Variants in SLC7A6 observed in about 807,000 individuals in gnomAD.
The protein encoded by SLC7A6 is solute carrier family 7 member 6.
SLC7A6 carries 29 observed loss-of-function variants against 46.6 expected under a neutral mutation model. The ratio of observed to expected loss-of-function variants is 0.62; its 90% CI spans 0.46 to 0.85. The LOEUF (loss-of-function observed/expected upper bound fraction) is 0.85. Among genes scored for constraint, SLC7A6 ranks in the 40% least tolerant of loss-of-function variants. The probability of loss-of-function intolerance (pLI) is 0.00; values close to 1 mark genes in which losing one functional copy is unlikely to be tolerated. For missense variants in SLC7A6, 527 were observed against 647.6 expected (o/e 0.81, Z 2.02); for synonymous variants, 276 against 257.3 (o/e 1.07, Z -0.70).
Position 68,274,808 on chromosome 16 carries a change from G to A in SLC7A6, c.82G>A (p.Val28Ile). 1 of 1,614,238 alleles carries A rather than the reference G, an allele frequency of 6.2e-7. No individual in the cohort carries two copies. Among genetic ancestry groups the A allele is most frequent in the Non-Finnish European group, 8.5e-7 (1 of 1,180,050 alleles). Residue 28 changes from valine (V) to isoleucine (I), a missense_variant, in exon 3 of 11, where the codon GTC (valine) becomes ATC (isoleucine). Physicochemically the swap from Val to Ile is conservative, Grantham distance 29. Coordinates refer to ENST00000219343, the MANE Select transcript of SLC7A6 (RefSeq NM_003983.6). ...NTSQSQVEED[V>I]SSPPQRSSET... ...CAGCCAGTCCCAGGTGGAAGAAGAT[G>A]TCAGCTCGCCACCTCAAAGGTCCTC... is the stretch of plus-strand genomic sequence containing the variant.
At chr16:68,275,332 A>G in intron 3 of SLC7A6, 83 bp downstream of exon 3, 1 of 1,521,008 alleles carries the variant, frequency 6.6e-7, no homozygotes. Context: ...GCGGTGGCTC[A>G]TGCCTATAAT....
intron 4 of SLC7A6, 113 bp downstream of exon 4, chr16:68,287,984 G>A (rs753551497): frequency 1.0e-4 from 148 of 1,417,270 alleles, no homozygotes; most frequent in Non-Finnish European, 1.2e-4. Context: ...GCTAGCATGT[G>A]TCAGTGAGTG....
intron 4 of SLC7A6, 138 bp from the exon 5 acceptor site, chr16:68,290,258 A>T (rs1396561620): frequency 1.6e-5 from 13 of 821,066 alleles, no homozygotes; most frequent in Non-Finnish European, 2.0e-5. Context: ...GTTCCTCCCC[A>T]TTCCTCCTTT....
chr16:68,265,036 C>T (rs571608759), intron 1 of SLC7A6, among the ~76,000 whole-genome samples: 1 of 152,310 alleles, frequency 6.6e-6, no homozygotes, highest in Non-Finnish European at 1.5e-5. Context: ...GACGGAGAAC[C>T]TGTGCTGTGT....
chr16:68,287,638 C>G, intron 3 of SLC7A6, 108 bp from the exon 4 acceptor site: 1 of 1,541,890 alleles, frequency 6.5e-7, no homozygotes, highest in Non-Finnish European at 8.8e-7. Context: ...GTCCATTGGC[C>G]CCTTTGCCTT....
At chr16:68,293,192 G>A (rs1356461961) in intron 7 of SLC7A6, among the ~76,000 whole-genome samples, 1 of 152,182 alleles carries the variant, frequency 6.6e-6, no homozygotes, top group African/African-American at 2.4e-5. Flanking sequence ...TAGGCGAGAA[G>A]ATTACCTTAG....
chr16:68,282,323 G>A (rs1347396056), intron 3 of SLC7A6, among the ~76,000 whole-genome samples: 1 of 152,026 alleles, frequency 6.6e-6, no homozygotes, highest in Admixed American at 6.6e-5. Flanking sequence ...AATCTCAGCA[G>A]TTTGGGAGGC....
At chr16:68,272,724 G>A (rs1258917962) in intron 2 of SLC7A6, among the ~76,000 whole-genome samples, 1 of 152,200 alleles carries the variant, frequency 6.6e-6, no homozygotes, top group African/African-American at 2.4e-5. Flanking sequence ...GGAATACCTA[G>A]TAAGCTCAAT....
At chr16:68,280,181 A>C (rs1339563737) in intron 3 of SLC7A6, among the ~76,000 whole-genome samples, 1 of 152,232 alleles carries the variant, frequency 6.6e-6, no homozygotes, top group Non-Finnish European at 1.5e-5. Flanking sequence ...AGGGGAAAGA[A>C]ATGAAAGGTC....
Position 68,300,908 on chromosome 16 carries a change from G to A in SLC7A6, c.*3580G>A, listed in dbSNP as rs1597018192. 2 of 997,234 alleles carry A rather than the reference G, an allele frequency of 2.0e-6. No homozygotes were observed. Among genetic ancestry groups the A allele is most frequent in the Non-Finnish European group, 1.2e-6 (1 of 837,592 alleles). 61.8% of individuals were successfully genotyped at this position (997,234 alleles called of 1,614,324 possible). A position where few individuals can be genotyped will look rare whatever the true frequency, so the allele number is the denominator to read the frequency against. ...AGCCTGGTGGTATGGCACAGCAGAA[G>A]CTTACTGCTAATGAAATGGGAACCT... On this transcript the variant is annotated 3_prime_UTR_variant, in exon 11 of 11. Transcript: ENST00000219343.
intron 3 of SLC7A6, among the ~76,000 whole-genome samples, chr16:68,276,684 A>C (rs1286112779): frequency 1.3e-5 from 2 of 152,168 alleles, no homozygotes; most frequent in Non-Finnish European, 1.5e-5. Flanking sequence ...TAAAAAAGGG[A>C]ATAATTTTCT....
chr16:68,277,316 T>TTTATTTATTTA (rs2042730038), intron 3 of SLC7A6, among the ~76,000 whole-genome samples: 1 of 135,886 alleles, frequency 7.4e-6, no homozygotes, highest in Non-Finnish European at 1.6e-5. Context: ...AGAAGAGTAC[T>TTTATTTATTTA]TTTATTTATT....
chr16:68,301,502 T>C lies in SLC7A6; in HGVS notation c.*4174T>C. ...CAGAAAGGTCTGTTTTTGTTCCCGA[T>C]TGTAATGCAAAATCCTTGCTCAATA... On this transcript the variant is annotated 3_prime_UTR_variant, in exon 11 of 11. Transcript: ENST00000219343. 1.0e-6 allele frequency: 1 copy of C among 995,886 alleles called. No individual in the cohort carries two copies. The highest frequency in any genetic ancestry group is 1.5e-6 in the Non-Finnish European group (1 of 684,978). 61.7% of individuals were successfully genotyped at this position (995,886 alleles called of 1,614,324 possible).
intron 4 of SLC7A6, chr16:68,290,133 G>A (rs2043018061): frequency 7.6e-6 from 3 of 396,758 alleles, no homozygotes; most frequent in Admixed American, 8.0e-5. Context: ...AGGAATGTGA[G>A]CTTTCCTGAG....
chr16:68,291,389 A>G, intron 6 of SLC7A6, 57 bp downstream of exon 6: 1 of 1,605,656 alleles, frequency 6.2e-7, no homozygotes, highest in Non-Finnish European at 8.5e-7. Flanking sequence ...GCCACCCTGC[A>G]CAGCTCAGTC....
chr16:68,280,111 G>A (rs938418545), intron 3 of SLC7A6, among the ~76,000 whole-genome samples: 1 of 152,206 alleles, frequency 6.6e-6, no homozygotes, highest in Non-Finnish European at 1.5e-5. Flanking sequence ...GAGTAGAGGC[G>A]GCAGTGGGAA....
At chr16:68,280,625 A>T (rs1435716360) in intron 3 of SLC7A6, among the ~76,000 whole-genome samples, 1 of 151,960 alleles carries the variant, frequency 6.6e-6, no homozygotes, top group Non-Finnish European at 1.5e-5. Context: ...ATTTAAAAGG[A>T]GTATCCCTAT....
intron 2 of SLC7A6, among the ~76,000 whole-genome samples, chr16:68,272,259 T>TAAA (rs35135693): frequency 6.7e-6 from 1 of 149,964 alleles, no homozygotes; most frequent in Non-Finnish European, 1.5e-5. Flanking sequence ...ACAGACAAAT[T>TAAA]AAAAAAAAAA....
In SLC7A6 at chr16:68,296,455, C is replaced by A; in HGVS notation, c.1211C>A (p.Ser404Tyr). The change falls in exon 9 of 11, where the codon TCT (serine) becomes TAT (tyrosine). Residue 404 changes from serine to tyrosine, a missense_variant. Ser to Tyr is a moderately radical substitution (Grantham distance 144). Transcript: ENST00000219343. ...AGCTACTGGTTCTTCGTGGGCCTGT[C>A]TGTTGTTGGACAGCTCTACCTCCGC... The part of the protein sequence containing the change: ...SFSYWFFVGL[S>Y]VVGQLYLRWK... 1 of 1,614,148 alleles carries A rather than the reference C, an allele frequency of 6.2e-7. No individual in the cohort carries two copies. Among genetic ancestry groups the A allele is most frequent in the South Asian group, 1.1e-5 (1 of 91,078 alleles).
Sources: allele counts gnomAD v4.1 joint callset (sites outside exome capture counted in the v4.1 genomes callset), GRCh38; gene constraint gnomAD v4.1.1; transcripts MANE v1.5; gene names NCBI Gene and HGNC (gene_info 2026-07-23, HGNC 2026-07-21).